Variants in ZNF316 observed in about 807,000 individuals in gnomAD.
The protein encoded by ZNF316 is zinc finger protein 316.
A neutral mutation model predicts 75.6 loss-of-function variants in ZNF316; 23 were observed. The observed-to-expected ratio is 0.30, with a 90% CI of 0.22 to 0.43. The LOEUF is 0.43. ZNF316 is among the 20% of genes least tolerant of loss of function. The pLI is 1.00. For synonymous variants in ZNF316, 827 were observed against 666.2 expected, an observed-to-expected ratio of 1.24 and a Z score of -3.72; for missense variants, 1,266 against 1,409.4, an observed-to-expected ratio of 0.90 and a Z score of 1.63.
At position 6,654,845 on chromosome 7, in the gene ZNF316, C is replaced by G. The variant is rs762719371; in HGVS notation, c.*234C>G. ...CAGCGCGGAGGCAGCGAGGCCAGGA[C>G]GTCACCCCCACGGAGACTGCGATAT... On this transcript the variant is annotated 3_prime_UTR_variant, in exon 9 of 9. Transcript: ENST00000382252. 2 of 294,726 alleles carry G rather than the reference C, an allele frequency of 6.8e-6. No individual in the cohort carries two copies. The highest frequency in any genetic ancestry group is 1.3e-4 in the East Asian group (2 of 15,818). The allele number at this position is 294,726 out of a possible 1,614,324, so 18.3% of individuals were successfully genotyped here. A position where few individuals can be genotyped will look rare whatever the true frequency, so the allele number is the denominator to read the frequency against.
chr7:6,649,404 C>T (rs1275063730), intron 8 of ZNF316, among the ~76,000 whole-genome samples: 2 of 152,212 alleles, frequency 1.3e-5, no homozygotes, highest in Admixed American at 6.5e-5. Context: ...GAGAAACATG[C>T]ACCAGCCCCT....
In ZNF316 at chr7:6,657,857, AGG is replaced by A. The variant is rs1242564819; in HGVS notation, c.*3247_*3248del. ...AAAAAAAAAAAAAAAAAAAAAAAAA[AGG>A]TTCCCCGATAGAACTTATAGTTGAC... On this transcript the variant is annotated 3_prime_UTR_variant, in exon 9 of 9. Transcript: ENST00000382252. 1.5e-5 allele frequency among the ~76,000 whole-genome samples: 2 copies of A among 137,060 alleles called. No individual in the cohort carries two copies. Among genetic ancestry groups the A allele is most frequent in the Non-Finnish European group, 3.3e-5 (2 of 61,256 alleles). 89.9% of individuals were successfully genotyped at this position (137,060 alleles called of 152,430 possible). A position where few individuals can be genotyped will look rare whatever the true frequency, so the allele number is the denominator to read the frequency against.
Position 6,653,211 on chromosome 7 carries a change from G to A in ZNF316, c.1615G>A (p.Gly539Arg), listed in dbSNP as rs1354309862. Residue 539 changes from glycine (G) to arginine (R), a missense_variant, in exon 9 of 9, where the codon GGA becomes AGA. By Grantham distance (125) the Gly-to-Arg change is moderately radical (BLOSUM62 -2). Transcript: ENST00000382252. ...CGAGGACACGGACCCTGGGCCAGAG[G>A]GATCTGAAGTTGGCGAGGCGGACGG... ...GPEDTDPGPEGSEVGEADGEA... is the reference protein window; with the variant it reads ...GPEDTDPGPERSEVGEADGEA... 3.3e-6 allele frequency: 4 copies of A among 1,222,114 alleles called. No individual in the cohort carries two copies. Among genetic ancestry groups the A allele is most frequent in the African/African-American group, 1.6e-5 (1 of 63,898 alleles). 75.7% of individuals were successfully genotyped at this position (1,222,114 alleles called of 1,614,324 possible).
At position 6,653,712 on chromosome 7, in the gene ZNF316, C is replaced by T; in HGVS notation, c.2116C>T (p.Leu706=). The change falls in exon 9 of 9, where the codon CTG becomes TTG. Residue 706 remains leucine (L), a synonymous_variant. Transcript: ENST00000382252. The stretch of plus-strand genomic sequence containing the variant: ...CAAGACGTTTGGGCGCCGGGCCGCG[C>T]TGGCCAAGCACCAGCGCTACCACGC... The part of the protein sequence containing the change: ...CGKTFGRRAA[L]AKHQRYHAGE... 3.6e-6 allele frequency: 4 copies of T among 1,098,222 alleles called. No individual in the cohort carries two copies. Among genetic ancestry groups the T allele is most frequent in the South Asian group, 8.6e-5 (2 of 23,182 alleles). The allele number at this position is 1,098,222 out of a possible 1,614,324, so 68.0% of individuals were successfully genotyped here.
rs1218069107 is a variant in ZNF316, at chr7:6,642,151, G to T, written c.-29+189G>T. ...AAAAGGAGCTGAGACTGGCATCCCA[G>T]GGGTCACGCGGAGGGGCCATTGGGG... On this transcript the variant is annotated intron_variant, in intron 4 of 8. Transcript: ENST00000382252. This position sits in a 1 kb window ranked among gnomAD's most constrained non-coding sequence, Gnocchi z 8.1. The T allele has an allele frequency of 5.5e-6, 2 of 365,750 alleles. No homozygotes were observed. The highest frequency in any genetic ancestry group is 9.8e-6 in the Non-Finnish European group (2 of 205,026). 22.7% of individuals were successfully genotyped at this position (365,750 alleles called of 1,614,324 possible).
In ZNF316 at chr7:6,642,936, G is replaced by T. The variant is rs1298578943; in HGVS notation, c.356-28G>T. The T allele has an allele frequency of 1.6e-6, 2 of 1,232,326 alleles. No homozygotes were observed. Among genetic ancestry groups the T allele is most frequent in the Non-Finnish European group, 2.0e-6 (2 of 988,244 alleles). 76.3% of individuals were successfully genotyped at this position (1,232,326 alleles called of 1,614,324 possible). A position where few individuals can be genotyped will look rare whatever the true frequency, so the allele number is the denominator to read the frequency against. On this transcript the variant is annotated intron_variant, in intron 5 of 8. Transcript: ENST00000382252. The surrounding 1 kb of genome is among the most constrained non-coding windows in gnomAD (Gnocchi z 8.1). ...CCCTGCAGGCTGGGGGCTCAGGGCA[G>T]CTGGCCCTAAGAGATCTCTCCCCAC...
chr7:6,650,655 G>A (rs1308421381), intron 8 of ZNF316, among the ~76,000 whole-genome samples: 1 of 152,224 alleles, frequency 6.6e-6, no homozygotes, highest in Non-Finnish European at 1.5e-5. Context: ...GCAGCACTCA[G>A]TGGTCCAGGC....
Position 6,645,412 on chromosome 7 carries a change from G to A in ZNF316, c.706+819G>A, listed in dbSNP as rs141716624. 8.5e-5 allele frequency among the ~76,000 whole-genome samples: 13 copies of A among 152,302 alleles called. No individual in the cohort carries two copies. In the East Asian group the frequency reaches 1.9e-3, roughly 23 times the overall value. Reference sequence around the variant, plus strand: ...TCAAATGAAAATACAAGCTGGGTGCGGTGGCTCATGCCTATAATCCCAGCA... The same window carrying A: ...TCAAATGAAAATACAAGCTGGGTGCAGTGGCTCATGCCTATAATCCCAGCA... On this transcript the variant is annotated intron_variant, in intron 8 of 8. Transcript: ENST00000382252.
chr7:6,656,435 TC>T lies in ZNF316; in HGVS notation c.*1825del, dbSNP rs1189222065. ...TAATAAAGAGTGGACAAACTGAACT[TC>T]TGACTGGACTCCATGCTGTCGCCAC... On this transcript the variant is annotated 3_prime_UTR_variant, in exon 9 of 9. Transcript: ENST00000382252. 5 of 152,228 alleles carry T rather than the reference TC, an allele frequency of 3.3e-5. No homozygotes were observed. The highest frequency in any genetic ancestry group is 7.3e-5 in the Non-Finnish European group (5 of 68,028). 9.4% of individuals were successfully genotyped at this position (152,228 alleles called of 1,614,324 possible). A position where few individuals can be genotyped will look rare whatever the true frequency, so the allele number is the denominator to read the frequency against.
chr7:6,640,792 G>C lies in ZNF316; in HGVS notation c.-166-1033G>C, dbSNP rs1187149965. Among the ~76,000 whole-genome samples the C allele has an allele frequency of 6.6e-6, 1 of 152,178 alleles. No homozygotes were observed. Among genetic ancestry groups the C allele is most frequent in the Non-Finnish European group, 1.5e-5 (1 of 68,024 alleles). ...ATGAATGGTCTAGCACCGTCCCCTTGGTGATAAGGGAGTTCTCAGTTCACA... is the reference window on the plus strand; with the variant it reads ...ATGAATGGTCTAGCACCGTCCCCTTCGTGATAAGGGAGTTCTCAGTTCACA... On this transcript the variant is annotated intron_variant, in intron 3 of 8. Coordinates refer to ENST00000382252, the MANE Select transcript of ZNF316 (RefSeq NM_001278559.2). The surrounding 1 kb of genome is among the most constrained non-coding windows in gnomAD (Gnocchi z 5.1).
rs889596358 is a variant in ZNF316 at position 6,640,886 on chromosome 7, C to T, written c.-166-939C>T. On this transcript the variant is annotated intron_variant, in intron 3 of 8. Transcript: ENST00000382252. This position sits in a 1 kb window ranked among gnomAD's most constrained non-coding sequence, Gnocchi z 5.1. ...CTTGCTGCCCCTTTGCCTCCCTCCACGAGTGGAAGCTTCCTGAGGCCCTCC... is the reference window on the plus strand; with the variant it reads ...CTTGCTGCCCCTTTGCCTCCCTCCATGAGTGGAAGCTTCCTGAGGCCCTCC... Among the ~76,000 whole-genome samples, 12 of 152,216 alleles carry T rather than the reference C, an allele frequency of 7.9e-5. No individual in the cohort carries two copies. The highest frequency in any genetic ancestry group is 1.6e-4 in the Non-Finnish European group (11 of 68,028).
At position 6,642,312 on chromosome 7, in the gene ZNF316, G is replaced by A. The variant is rs1013806743; in HGVS notation, c.-28-70G>A. The stretch of plus-strand genomic sequence containing the variant: ...GCTCCCTGCGCCCCCGCCAGGCTGC[G>A]GGAGACCCTGTGAGGGGACCGTGTG... On this transcript the variant is annotated intron_variant, in intron 4 of 8. Coordinates refer to ENST00000382252, the MANE Select transcript of ZNF316 (RefSeq NM_001278559.2). The surrounding 1 kb of genome is among the most constrained non-coding windows in gnomAD (Gnocchi z 8.1). 1.6e-5 allele frequency: 12 copies of A among 773,108 alleles called. No individual in the cohort carries two copies. The highest frequency in any genetic ancestry group is 4.3e-5 in the Admixed American group (1 of 23,152). 47.9% of individuals were successfully genotyped at this position (773,108 alleles called of 1,614,324 possible). A position where few individuals can be genotyped will look rare whatever the true frequency, so the allele number is the denominator to read the frequency against.
Position 6,643,062 on chromosome 7 carries a change from G to C in ZNF316, c.454G>C (p.Ala152Pro). The C allele has an allele frequency of 1.6e-6, 2 of 1,236,234 alleles. No individual in the cohort carries two copies. The highest frequency in any genetic ancestry group is 8.2e-5 in the South Asian group (2 of 24,510). 76.6% of individuals were successfully genotyped at this position (1,236,234 alleles called of 1,614,324 possible). ...TGAGGACGAGGATGATTTGCTGACG[G>C]CTGGGTGTCAGGTGAGCCGCCCTCT... is the stretch of plus-strand genomic sequence containing the variant. ...EDEDEDDLLT[A>P]GCQELVTFED... is the part of the protein sequence containing the mutation. The change falls in exon 6 of 9, where the codon GCT becomes CCT. Residue 152 changes from alanine to proline, a missense_variant. Transcript: ENST00000382252.
chr7:6,652,202 G>T, intron 8 of ZNF316, 101 bp from the exon 9 acceptor site: 1 of 1,115,198 alleles, frequency 9.0e-7, no homozygotes, highest in Non-Finnish European at 1.1e-6. Context: ...GGTCCTGCTG[G>T]TGGCGTCTCG....
rs1279980830 is a variant in ZNF316 at position 6,647,196 on chromosome 7, C to T, written c.706+2603C>T. Among the ~76,000 whole-genome samples the T allele has an allele frequency of 5.3e-5, 8 of 152,182 alleles. No homozygotes were observed. The East Asian group carries it at 1.2e-3, about 22-fold the overall frequency. On this transcript the variant is annotated intron_variant, in intron 8 of 8. Transcript: ENST00000382252. ...CCCCCTCAGCCACTGCAGACTGGCC[C>T]TTCTGAGGTCACCTGCCCCAGTGAG...
intron 8 of ZNF316, among the ~76,000 whole-genome samples, chr7:6,648,485 C>T (rs1339842707): frequency 2.0e-5 from 3 of 152,190 alleles, no homozygotes; most frequent in African/African-American, 7.2e-5. Flanking sequence ...GCAGCAGCGC[C>T]ACCTGACCCG....
At position 6,649,590 on chromosome 7, in the gene ZNF316, C is replaced by CA. The variant is rs534407409; in HGVS notation, c.707-2712dup. Among the ~76,000 whole-genome samples, 39 of 152,338 alleles carry CA rather than the reference C, an allele frequency of 2.6e-4. No individual in the cohort carries two copies. The East Asian group carries it at 7.3e-3, about 29-fold the overall frequency. On this transcript the variant is annotated intron_variant, in intron 8 of 8. Transcript: ENST00000382252. ...TCAAGGATGTTCCCGTGGACTTCGA[C>CA]AGAGCCTGGCCTGGGGCAGGCTGGT...
chr7:6,647,818 G>T (rs1779434637), intron 8 of ZNF316, among the ~76,000 whole-genome samples: 1 of 152,182 alleles, frequency 6.6e-6, no homozygotes. Context: ...TCAGTGATGT[G>T]AGATGTGTGT....
chr7:6,654,748 G>A lies in ZNF316; in HGVS notation c.*137G>A. 1 of 758,418 alleles carries A rather than the reference G, an allele frequency of 1.3e-6. No homozygotes were observed. The highest frequency in any genetic ancestry group is 1.7e-6 in the Non-Finnish European group (1 of 584,304). 47.0% of individuals were successfully genotyped at this position (758,418 alleles called of 1,614,324 possible). ...GGTGCCTTCCCTCAGCCCTCGCCCT[G>A]CGGCCCCGGGTCTCATGCCCGCCGG... On this transcript the variant is annotated 3_prime_UTR_variant, in exon 9 of 9. Transcript: ENST00000382252.
Sources: allele counts gnomAD v4.1 joint callset (sites outside exome capture counted in the v4.1 genomes callset), GRCh38; gene constraint gnomAD v4.1.1; non-coding constraint Gnocchi (gnomAD v3.1); transcripts MANE v1.5; gene names NCBI Gene and HGNC (gene_info 2026-07-23, HGNC 2026-07-21).